The following CLEC4M variants were observed in gnomAD, a reference collection of about 807,000 sequenced individuals.
The protein encoded by CLEC4M is CD209 antigen-like protein 1.
Under a neutral mutation model 39.1 loss-of-function variants are expected in CLEC4M, and 25 were observed. The ratio of observed to expected loss-of-function variants is 0.64; its 90% CI spans 0.47 to 0.89. The LOEUF is 0.89. CLEC4M is among the 40% of genes least tolerant of loss of function. The pLI is 0.00. For synonymous variants in CLEC4M, 155 were observed against 177.4 expected (o/e 0.87, Z 1.00); for missense variants, 353 against 431.4 (o/e 0.82, Z 1.61).
At position 7,768,815 on chromosome 19, in the gene CLEC4M, C is replaced by G. The variant is rs546967591; in HGVS notation, c.1050-23C>G. The G allele has an allele frequency of 1.4e-5, 22 of 1,611,314 alleles. No homozygotes were observed. In the East Asian group the frequency reaches 4.2e-4, roughly 31 times the overall value. On this transcript the variant is annotated intron_variant, in intron 6 of 6. Transcript: ENST00000327325. Reference sequence around the variant, plus strand: ...TCATCTACTGGGCAGGGCAGAGGCTCACATTCTGCATGGGCTTTGCAGCTT... The same window carrying G: ...TCATCTACTGGGCAGGGCAGAGGCTGACATTCTGCATGGGCTTTGCAGCTT...
At position 7,768,994 on chromosome 19, in the gene CLEC4M, T is replaced by A. The variant is rs1021230374; in HGVS notation, c.*6T>A. The A allele has an allele frequency of 6.2e-7, 1 of 1,613,558 alleles. No individual in the cohort carries two copies. The highest frequency in any genetic ancestry group is 8.5e-7 in the Non-Finnish European group (1 of 1,179,580). ...CCTGCTTCAGAGACGAATAGTTGTT[T>A]CCCTGCTAGCCTCAGCCTCCATTGT... On this transcript the variant is annotated 3_prime_UTR_variant, in exon 7 of 7. Transcript: ENST00000327325.
Position 7,763,258 on chromosome 19 carries a change from C to G in CLEC4M, c.-9C>G. ...AGGAGTCCTGAACATCTGGGGACAG[C>G]GGGAAAACATGAGTGACTCCAAGGA... On this transcript the variant is annotated 5_prime_UTR_variant, in exon 1 of 7. Coordinates refer to ENST00000327325, the MANE Select transcript of CLEC4M (RefSeq NM_014257.5). 1.3e-6 allele frequency: 2 copies of G among 1,590,050 alleles called. No homozygotes were observed. Among genetic ancestry groups the G allele is most frequent in the Non-Finnish European group, 1.7e-6 (2 of 1,169,824 alleles).
At position 7,769,119 on chromosome 19, in the gene CLEC4M, C is replaced by A; in HGVS notation, c.*131C>A. The A allele has an allele frequency of 2.3e-6, 2 of 863,402 alleles. No homozygotes were observed. Among genetic ancestry groups the A allele is most frequent in the Middle Eastern group, 3.2e-4 (1 of 3,094 alleles). 53.5% of individuals were successfully genotyped at this position (863,402 alleles called of 1,614,324 possible). On this transcript the variant is annotated 3_prime_UTR_variant, in exon 7 of 7. Coordinates refer to ENST00000327325, the MANE Select transcript of CLEC4M (RefSeq NM_014257.5). ...GACGGTTCTCTGTTCGATTTTTCATCCCCTATGAACCTGGGTCTTATTCTG... is the reference window on the plus strand; with the variant it reads ...GACGGTTCTCTGTTCGATTTTTCATACCCTATGAACCTGGGTCTTATTCTG...
intron 6 of CLEC4M, chr19:7,768,511 T>C: frequency 5.5e-6 from 1 of 183,128 alleles, no homozygotes; most frequent in Non-Finnish European, 1.2e-5. Context: ...GAGGCGGAGG[T>C]TGCAGTGAGC....
intron 6 of CLEC4M, chr19:7,768,502 A>C (rs1182272113): frequency 5.5e-6 from 1 of 181,720 alleles, no homozygotes; most frequent in African/African-American, 2.3e-5. Flanking sequence ...TGAGCCCAGG[A>C]GGCGGAGGTT....
intron 3 of CLEC4M, 35 bp downstream of exon 3, chr19:7,765,303 G>C (rs117140487): frequency 8.6e-5 from 139 of 1,610,510 alleles, no homozygotes; most frequent in East Asian, 3.8e-4. Flanking sequence ...GGGGTCCCCA[G>C]GCCTGGCCTT....
In CLEC4M at chr19:7,765,212, T is replaced by C; in HGVS notation, c.158T>C (p.Leu53Pro). ...TGCLGHGALV[L>P]QLLSFMLLAG... ...TGTCTTGGCCATGGCGCCCTGGTGC[T>C]GCAACTCCTCTCCTTCATGCTCTTG... The change falls in exon 3 of 7, where the codon CTG becomes CCG. Residue 53 changes from leucine (L) to proline (P), a missense_variant. This residue lies in a region of CLEC4M where 91 missense variants were observed against 77.8 expected (regional missense o/e 1.17). Coordinates refer to ENST00000327325, the MANE Select transcript of CLEC4M (RefSeq NM_014257.5). 1 of 1,614,166 alleles carries C rather than the reference T, an allele frequency of 6.2e-7. No individual in the cohort carries two copies. Among genetic ancestry groups the C allele is most frequent in the Non-Finnish European group, 8.5e-7 (1 of 1,180,008 alleles).
chr19:7,765,612 T>C (rs754935461), intron 3 of CLEC4M, 26 bp from the exon 4 acceptor site: 6 of 1,613,526 alleles, frequency 3.7e-6, no homozygotes, highest in Non-Finnish European at 4.2e-6. Context: ...GTTTAATAAT[T>C]GCAGTTCCTT....
At position 7,769,219 on chromosome 19, in the gene CLEC4M, C is replaced by A. The variant is rs2034416568; in HGVS notation, c.*231C>A. The A allele has an allele frequency of 2.2e-6, 1 of 448,090 alleles. No homozygotes were observed. Among genetic ancestry groups the A allele is most frequent in the Non-Finnish European group, 4.1e-6 (1 of 244,278 alleles). 27.8% of individuals were successfully genotyped at this position (448,090 alleles called of 1,614,324 possible). ...CCATCCTTGGAGCTTTATAAGTGAC[C>A]TGAGTGGGATGCATTTAGGGGGCGG... On this transcript the variant is annotated 3_prime_UTR_variant, in exon 7 of 7. Transcript: ENST00000327325.
In CLEC4M at chr19:7,765,348, G is replaced by T. The variant is rs571702383; in HGVS notation, c.214+80G>T. 312 of 1,517,934 alleles carry T rather than the reference G, an allele frequency of 2.1e-4. 10 individuals are homozygous for T. The South Asian group carries it at 3.3e-3, about 16-fold the overall frequency. The allele number at this position is 1,517,934 out of a possible 1,614,324, so 94.0% of individuals were successfully genotyped here. Reference sequence around the variant, plus strand: ...AACAGAGCCTGGAGTGGCCAGGTCTGGGAGGGAGGTGGGACTGAGAGCCAA... The same window carrying T: ...AACAGAGCCTGGAGTGGCCAGGTCTTGGAGGGAGGTGGGACTGAGAGCCAA... On this transcript the variant is annotated intron_variant, in intron 3 of 6. Coordinates refer to ENST00000327325, the MANE Select transcript of CLEC4M (RefSeq NM_014257.5).
chr19:7,766,631 A>C, intron 4 of CLEC4M, 25 bp from the exon 5 acceptor site: 1 of 1,614,098 alleles, frequency 6.2e-7, no homozygotes, highest in Non-Finnish European at 8.5e-7. Flanking sequence ...ATCTGAGCCC[A>C]GCCCTGACCA....
Position 7,767,584 on chromosome 19 carries a change from G to A in CLEC4M, c.1005G>A (p.Gln335=), listed in dbSNP as rs143804375. 2 of 1,614,190 alleles carry A rather than the reference G, an allele frequency of 1.2e-6. No homozygotes were observed. Among genetic ancestry groups the A allele is most frequent in the South Asian group, 1.1e-5 (1 of 91,090 alleles). The change falls in exon 6 of 7, where the codon CAG becomes CAA. Residue 335 remains glutamine (Q), a synonymous_variant. Transcript: ENST00000327325. ...FSWMGLSDLN[Q]EGTWQWVDGS... is the part of the protein sequence containing the mutation. ...GGATGGGACTTTCAGACCTAAATCA[G>A]GAAGGCACGTGGCAATGGGTGGACG...
At chr19:7,767,883 A>AT in intron 6 of CLEC4M, 1 of 360,424 alleles carries the variant, frequency 2.8e-6, no homozygotes, top group South Asian at 5.0e-5. Context: ...TATTAATAGG[A>AT]AGTCTGAAGT....
At position 7,765,541 on chromosome 19, in the gene CLEC4M, C is replaced by A. The variant is rs1320756230; in HGVS notation, c.215-97C>A. 7.7e-6 allele frequency: 12 copies of A among 1,551,406 alleles called. No individual in the cohort carries two copies. In the East Asian group the frequency reaches 2.0e-4, roughly 26 times the overall value. On this transcript the variant is annotated intron_variant, in intron 3 of 6. Transcript: ENST00000327325. The stretch of plus-strand genomic sequence containing the variant: ...CATCTTCAAAGGGGATTAACTGAGA[C>A]CTTGGCTCTCACAAATGATGTCTCT...
intron 2 of CLEC4M, among the ~76,000 whole-genome samples, chr19:7,764,080 A>AC (rs1362991462): frequency 6.6e-6 from 1 of 151,988 alleles, no homozygotes; most frequent in Non-Finnish European, 1.5e-5. Flanking sequence ...TAATTTAGGA[A>AC]TCACAGAGAT....
chr19:7,763,290 G>T lies in CLEC4M; in HGVS notation c.24G>T (p.Arg8Ser), dbSNP rs747999148. The change falls in exon 1 of 7, where the codon AGG (arginine) becomes AGT (serine). Residue 8 changes from arginine (R) to serine (S), a missense_variant. By Grantham distance (110) the Arg-to-Ser change is moderately radical. Coordinates refer to ENST00000327325, the MANE Select transcript of CLEC4M (RefSeq NM_014257.5). ...ACATGAGTGACTCCAAGGAACCAAG[G>T]GTGCAGCAGCTGGGCCTCCTGGGTA... MSDSKEP[R>S]VQQLGLLEED... is the part of the protein sequence containing the mutation. 3 of 1,607,846 alleles carry T rather than the reference G, an allele frequency of 1.9e-6. No individual in the cohort carries two copies. The highest frequency in any genetic ancestry group is 2.5e-6 in the Non-Finnish European group (3 of 1,177,066).
chr19:7,766,954 G>A (rs1000295277), intron 5 of CLEC4M, 147 bp downstream of exon 5: 24 of 1,398,986 alleles, frequency 1.7e-5, no homozygotes, highest in Non-Finnish European at 2.3e-5. Context: ...GGGGTCCCAG[G>A]TACCCTTCAA....
At chr19:7,767,706 T>G in intron 6 of CLEC4M, 78 bp downstream of exon 6, 1 of 1,309,612 alleles carries the variant, frequency 7.6e-7, no homozygotes, top group Admixed American at 1.7e-5. Context: ...TCCCTGGGGG[T>G]CCCCCCCAAC....
At position 7,766,661 on chromosome 19, in the gene CLEC4M, C is replaced by G. The variant is rs753745106; in HGVS notation, c.790C>G (p.Leu264Val). The change falls in exon 5 of 7, where the codon CTG (leucine) becomes GTG (valine). Residue 264 changes from leucine to valine, a missense_variant. By Grantham distance (32) the Leu-to-Val change is conservative. Coordinates refer to ENST00000327325, the MANE Select transcript of CLEC4M (RefSeq NM_014257.5). ...LTDLKTAFER[L>V]CRHCPKDWTF... is the part of the protein sequence containing the mutation. ...TGACCAGCCTCCCCCAACAGAACGC[C>G]TGTGCCGCCACTGTCCCAAGGACTG... 1 of 1,614,234 alleles carries G rather than the reference C, an allele frequency of 6.2e-7. No homozygotes were observed. The highest frequency in any genetic ancestry group is 2.2e-5 in the East Asian group (1 of 44,890).
Sources: allele counts gnomAD v4.1 joint callset (sites outside exome capture counted in the v4.1 genomes callset), GRCh38; gene constraint gnomAD v4.1.1; regional missense constraint gnomAD v4.1.1; transcripts MANE v1.5; gene names NCBI Gene and HGNC (gene_info 2026-07-23, HGNC 2026-07-21).